CACNA2D4: variants seen among roughly 807,000 people sequenced by gnomAD.
The protein encoded by CACNA2D4 is calcium voltage-gated channel auxiliary subunit alpha2delta 4.
CACNA2D4 carries 157 observed loss-of-function variants against 163.8 expected under a neutral mutation model. The ratio of observed to expected loss-of-function variants is 0.96; its 90% CI spans 0.84 to 1.09. The LOEUF (loss-of-function observed/expected upper bound fraction) is 1.09. Ranked by LOEUF, CACNA2D4 falls within the 50% of genes least tolerant of loss-of-function variation. The pLI is 0.00. For missense variants in CACNA2D4, 1,410 were observed against 1,479.9 expected (o/e 0.95, Z 0.78); for synonymous variants, 598 against 586.9 (o/e 1.02, Z -0.27).
chr12:1,801,809 C>T (rs1375393053), intron 29 of CACNA2D4, among the ~76,000 whole-genome samples, 165 bp from the exon 30 acceptor site: 4 of 152,286 alleles, frequency 2.6e-5, no homozygotes, highest in South Asian at 2.1e-4. Context: ...CTTCCACCCA[C>T]GCCCCTGTCC....
intron 16 of CACNA2D4, among the ~76,000 whole-genome samples, chr12:1,877,873 C>T (rs895019912): frequency 2.0e-5 from 3 of 152,188 alleles, no homozygotes; most frequent in Admixed American, 6.5e-5. Flanking sequence ...ATACCCCAGC[C>T]TCTGTGTCAC....
In CACNA2D4 at chr12:1,820,394, C is replaced by T. The variant is rs1047201561; in HGVS notation, c.2552-8671G>A. Reference sequence around the variant, plus strand: ...GCGTGGCCAGGGTGAGCGCTGCCCTCGCGGCCGGCCGTGGTGCCTCTGGTG... The same window carrying T: ...GCGTGGCCAGGGTGAGCGCTGCCCTTGCGGCCGGCCGTGGTGCCTCTGGTG... On this transcript the variant is annotated intron_variant, in intron 26 of 37. Coordinates refer to ENST00000382722, the MANE Select transcript of CACNA2D4 (RefSeq NM_172364.5). The surrounding 1 kb of genome is among the most constrained non-coding windows in gnomAD (Gnocchi z 6.0). 7 of 152,146 alleles carry T rather than the reference C, an allele frequency of 4.6e-5. No homozygotes were observed. The highest frequency in any genetic ancestry group is 7.3e-5 in the Non-Finnish European group (5 of 68,064). The allele number at this position is 152,146 out of a possible 1,614,324, so 9.4% of individuals were successfully genotyped here.
rs1442061723 is a variant in CACNA2D4, at chr12:1,869,582, C to G, written c.1878+5022G>C. Among the ~76,000 whole-genome samples, 2 of 152,242 alleles carry G rather than the reference C, an allele frequency of 1.3e-5. No homozygotes were observed. The highest frequency in any genetic ancestry group is 2.9e-5 in the Non-Finnish European group (2 of 68,044). ...TTGAGTTCCAGTTCGTTCTTGCTTT[C>G]TTCCACATCTCATCCAGCTTTCCTT... On this transcript the variant is annotated intron_variant, in intron 18 of 37. Coordinates refer to ENST00000382722, the MANE Select transcript of CACNA2D4 (RefSeq NM_172364.5). This position sits in a 1 kb window ranked among gnomAD's most constrained non-coding sequence, Gnocchi z 4.7.
intron 6 of CACNA2D4, among the ~76,000 whole-genome samples, chr12:1,903,609 T>C (rs1412535272): frequency 6.6e-6 from 1 of 151,968 alleles, no homozygotes. Flanking sequence ...CAAACAGGTA[T>C]ATAAAAAGAT....
chr12:1,871,829 C>T (rs1251579955), intron 18 of CACNA2D4, among the ~76,000 whole-genome samples: 4 of 152,202 alleles, frequency 2.6e-5, no homozygotes, highest in Non-Finnish European at 5.9e-5. Flanking sequence ...TTGGAAGAAC[C>T]CAGAGGCTAG....
At chr12:1,800,320 A>C in intron 32 of CACNA2D4, 66 bp downstream of exon 32, 2 of 1,549,394 alleles carry the variant, frequency 1.3e-6, no homozygotes, top group South Asian at 2.2e-5. Flanking sequence ...CCTCCTGCTC[A>C]AGGACACCCT....
At chr12:1,795,815 T>A (rs777611050) in intron 35 of CACNA2D4, 35 bp from the exon 36 acceptor site, 1 of 1,354,548 alleles carries the variant, frequency 7.4e-7, no homozygotes, top group Non-Finnish European at 1.1e-6. Context: ...GATGGCTCCG[T>A]GGCGACCACG....
At chr12:1,811,443 T>G (rs371226641) in intron 27 of CACNA2D4, among the ~76,000 whole-genome samples, 23 of 152,282 alleles carry the variant, frequency 1.5e-4, no homozygotes, top group African/African-American at 5.1e-4. Flanking sequence ...AAGGGGTGAC[T>G]CTGGGTCGTG....
intron 6 of CACNA2D4, among the ~76,000 whole-genome samples, chr12:1,903,371 A>C (rs1157974221): frequency 6.6e-6 from 1 of 152,080 alleles, no homozygotes; most frequent in African/African-American, 2.4e-5. Context: ...AAATGGGATC[A>C]CATCAAGTTA....
chr12:1,889,550 T>A (rs1275770969), intron 6 of CACNA2D4, among the ~76,000 whole-genome samples: 1 of 149,788 alleles, frequency 6.7e-6, no homozygotes, highest in Non-Finnish European at 1.5e-5. Context: ...GGTCCTGAAC[T>A]CCTGGGCAAG....
intron 26 of CACNA2D4, among the ~76,000 whole-genome samples, chr12:1,830,464 T>C (rs1864571428): frequency 1.3e-5 from 2 of 152,176 alleles, no homozygotes. Flanking sequence ...CCATTTTCCC[T>C]GGGAAACAAA....
chr12:1,795,203 C>T, intron 37 of CACNA2D4, 96 bp downstream of exon 37: 3 of 1,075,228 alleles, frequency 2.8e-6, no homozygotes, highest in South Asian at 1.4e-5. Flanking sequence ...TGTTCATTGG[C>T]ATCCCTATAT....
At position 1,828,004 on chromosome 12, in the gene CACNA2D4, C is replaced by A. The variant is rs1592685356; in HGVS notation, c.2551+12735G>T. ...TGAGGAGTGTAAAGAGACACCCGGG[C>A]CCTCTCCCTAACCCCTGGGCTGGAA... is the stretch of plus-strand genomic sequence containing the variant. On this transcript the variant is annotated intron_variant, in intron 26 of 37. Transcript: ENST00000382722. This position sits in a 1 kb window ranked among gnomAD's most constrained non-coding sequence, Gnocchi z 4.2. The A allele has an allele frequency of 1.7e-6, 1 of 574,654 alleles. No individual in the cohort carries two copies. The allele number at this position is 574,654 out of a possible 1,614,324, so 35.6% of individuals were successfully genotyped here.
rs551432194 is a variant in CACNA2D4 at position 1,882,531 on chromosome 12, C to T, written c.1485+336G>A. 1.7e-3 allele frequency among the ~76,000 whole-genome samples: 6 copies of T among 3,560 alleles called. No individual in the cohort carries two copies. In the South Asian group the frequency reaches 0.035, roughly 21 times the overall value. 2.3% of individuals were successfully genotyped at this position (3,560 alleles called of 152,430 possible). ...TTCTTGGTCTGACCCCTTTCTGTCCCGGGTGGGTGGGAGGGAGGGATGATG... is the reference window on the plus strand; with the variant it reads ...TTCTTGGTCTGACCCCTTTCTGTCCTGGGTGGGTGGGAGGGAGGGATGATG... On this transcript the variant is annotated intron_variant, in intron 13 of 37. Coordinates refer to ENST00000382722, the MANE Select transcript of CACNA2D4 (RefSeq NM_172364.5).
chr12:1,849,037 G>A (rs893941186), intron 23 of CACNA2D4, among the ~76,000 whole-genome samples: 8 of 152,102 alleles, frequency 5.3e-5, no homozygotes, highest in African/African-American at 1.9e-4. Flanking sequence ...TTCCTCATAC[G>A]ACAAGATGTT....
chr12:1,801,531 T>C, intron 30 of CACNA2D4, 43 bp downstream of exon 30: 1 of 1,442,712 alleles, frequency 6.9e-7, no homozygotes. Context: ...AGCTCTCGGT[T>C]TGCTGTGTCT....
chr12:1,803,997 C>A (rs1459811945), intron 29 of CACNA2D4, among the ~76,000 whole-genome samples: 1 of 152,168 alleles, frequency 6.6e-6, no homozygotes, highest in African/African-American at 2.4e-5. Flanking sequence ...CACAACAGCA[C>A]ATGGGAATGT....
rs1359718600 is a variant in CACNA2D4 at position 1,811,713 on chromosome 12, G to T, written c.2562C>A (p.Val854=). 4 of 1,558,878 alleles carry T rather than the reference G, an allele frequency of 2.6e-6. No individual in the cohort carries two copies. Among genetic ancestry groups the T allele is most frequent in the African/African-American group, 1.4e-5 (1 of 73,306 alleles). ...KRTAIAAAAG[V]QMKLEFLQRK... is the part of the protein sequence containing the mutation. ...GCTGGAGGAATTCCAGCTTCATTTG[G>T]ACGCCCGCGGCTACAGGGCAGAAAG... Residue 854 remains valine, a synonymous_variant, in exon 27 of 38, where the codon GTC becomes GTA. Coordinates refer to ENST00000382722, the MANE Select transcript of CACNA2D4 (RefSeq NM_172364.5).
Position 1,808,682 on chromosome 12 carries a change from C to T in CACNA2D4, c.2721+1596G>A, listed in dbSNP as rs183528048. On this transcript the variant is annotated intron_variant, in intron 29 of 37. Coordinates refer to ENST00000382722, the MANE Select transcript of CACNA2D4 (RefSeq NM_172364.5). ...CTCTGGGATGCCTTAGCCCATGCTC[C>T]GGCCCTTGAAAGCCAACACCACGGG... 6.6e-5 allele frequency among the ~76,000 whole-genome samples: 10 copies of T among 152,314 alleles called. No homozygotes were observed. The East Asian group carries it at 9.6e-4, about 15-fold the overall frequency.
Sources: allele counts gnomAD v4.1 joint callset (sites outside exome capture counted in the v4.1 genomes callset), GRCh38; gene constraint gnomAD v4.1.1; non-coding constraint Gnocchi (gnomAD v3.1); transcripts MANE v1.5; gene names NCBI Gene and HGNC (gene_info 2026-07-23, HGNC 2026-07-21).